The following CDC73 variants were observed in gnomAD, a reference collection of about 807,000 sequenced individuals.
CDC73 encodes the protein parafibromin.
CDC73 carries 21 observed loss-of-function variants against 83.7 expected under a neutral mutation model. The ratio of observed to expected loss-of-function variants is 0.25; its 90% CI spans 0.18 to 0.36. The LOEUF is 0.36. Among genes scored for constraint, CDC73 ranks in the 10% least tolerant of loss-of-function variants. The pLI, the probability that CDC73 is intolerant of heterozygous loss-of-function variation, is 1.00. For missense variants in CDC73, 342 were observed against 653.3 expected (o/e 0.52, Z 5.19); for synonymous variants, 224 against 212.9 (o/e 1.05, Z -0.45).
chr1:193,191,237 A>G (rs1335313049), intron 10 of CDC73, among the ~76,000 whole-genome samples: 8 of 152,184 alleles, frequency 5.3e-5, no homozygotes, highest in African/African-American at 1.9e-4. Context: ...TGTTCATGGC[A>G]TTTGAGTCAC....
intron 10 of CDC73, 141 bp from the exon 11 acceptor site, chr1:193,203,654 A>T (rs1677129009): frequency 2.8e-6 from 2 of 703,046 alleles, no homozygotes; most frequent in East Asian, 5.5e-5. Context: ...ACTGTAGGTC[A>T]TAACATGTTC....
chr1:193,250,442 C>G (rs1295078820), intron 16 of CDC73, among the ~76,000 whole-genome samples: 1 of 151,728 alleles, frequency 6.6e-6, no homozygotes, highest in African/African-American at 2.4e-5. Flanking sequence ...GCAAGTCTCT[C>G]ATATCTGTGA....
Position 193,236,310 on chromosome 1 carries a change from G to C in CDC73, c.1371G>C (p.Trp457Cys). The change falls in exon 15 of 17, where the codon TGG (tryptophan) becomes TGC (cysteine). Residue 457 changes from tryptophan (W) to cysteine (C), a missense_variant. Trp to Cys is a radical substitution (Grantham distance 215). Coordinates refer to ENST00000367435, the MANE Select transcript of CDC73 (RefSeq NM_024529.5). The part of the protein sequence containing the change: ...VQGPAWQFKG[W>C]PWLLPDGSPV... ...GTCCTGCATGGCAGTTCAAAGGTTG[G>C]CCATGGCTTTTGCCTGATGGATCAC... The C allele has an allele frequency of 1.2e-6, 2 of 1,613,936 alleles. No individual in the cohort carries two copies. Among genetic ancestry groups the C allele is most frequent in the Non-Finnish European group, 1.7e-6 (2 of 1,179,820 alleles).
chr1:193,240,571 A>G (rs1018274406), intron 15 of CDC73, among the ~76,000 whole-genome samples: 2 of 152,126 alleles, frequency 1.3e-5, no homozygotes, highest in Non-Finnish European at 2.9e-5. Flanking sequence ...ATGATATTTC[A>G]TCGTGGTTTT....
chr1:193,198,346 G>A (rs1031548529), intron 10 of CDC73, among the ~76,000 whole-genome samples: 7 of 152,186 alleles, frequency 4.6e-5, no homozygotes, highest in African/African-American at 1.7e-4. Flanking sequence ...TAAGTCATGA[G>A]GGCATGGTCT....
At chr1:193,246,852 A>G (rs1677962834) in intron 15 of CDC73, among the ~76,000 whole-genome samples, 1 of 152,120 alleles carries the variant, frequency 6.6e-6, no homozygotes, top group African/African-American at 2.4e-5. Flanking sequence ...TCTGTGCTGT[A>G]TATATCCCTT....
chr1:193,199,430 G>C (rs886983410), intron 10 of CDC73, among the ~76,000 whole-genome samples: 3 of 152,092 alleles, frequency 2.0e-5, no homozygotes, highest in Admixed American at 1.3e-4. Flanking sequence ...TAGAAGTTCA[G>C]GCCGGGCACG....
chr1:193,180,738 A>G, intron 10 of CDC73: 2 of 1,614,070 alleles, frequency 1.2e-6, no homozygotes, highest in Non-Finnish European at 1.7e-6. Context: ...TGAAATAGTT[A>G]TGTCTGGGAG....
At position 193,203,927 on chromosome 1, in the gene CDC73, T is replaced by C; in HGVS notation, c.1030+75T>C. On this transcript the variant is annotated intron_variant, in intron 11 of 16. Transcript: ENST00000367435. ...GTGCAAGTTTTTAGTATGCGTATAATGCTTTGAACAAACTTAAATTTTACT... is the reference window on the plus strand; with the variant it reads ...GTGCAAGTTTTTAGTATGCGTATAACGCTTTGAACAAACTTAAATTTTACT... 3.4e-6 allele frequency: 4 copies of C among 1,181,938 alleles called. No individual in the cohort carries two copies. In the Admixed American group the frequency reaches 6.8e-5, roughly 20 times the overall value. 73.2% of individuals were successfully genotyped at this position (1,181,938 alleles called of 1,614,324 possible).
chr1:193,204,275 G>GTGTGTC (rs1558310058), intron 11 of CDC73, among the ~76,000 whole-genome samples: 4 of 134,316 alleles, frequency 3.0e-5, no homozygotes, highest in Admixed American at 3.0e-4. Context: ...GTGTGTGTGT[G>GTGTGTC]TGTATATATA....
In CDC73 at chr1:193,150,500, C is replaced by T. The variant is rs1676086095; in HGVS notation, c.907+118C>T. 33 of 716,998 alleles carry T rather than the reference C, an allele frequency of 4.6e-5. No individual in the cohort carries two copies. In the South Asian group the frequency reaches 5.1e-4, roughly 11 times the overall value. 44.4% of individuals were successfully genotyped at this position (716,998 alleles called of 1,614,324 possible). ...GTAATGTCTACAGACCAGATCTTAC[C>T]CACTGCAATTTTTCTTAAATAACAT... On this transcript the variant is annotated intron_variant, in intron 9 of 16. Coordinates refer to ENST00000367435, the MANE Select transcript of CDC73 (RefSeq NM_024529.5).
intron 5 of CDC73, among the ~76,000 whole-genome samples, chr1:193,137,043 A>G (rs966644859): frequency 1.3e-5 from 2 of 152,200 alleles, no homozygotes; most frequent in African/African-American, 4.8e-5. Context: ...ATGGTTTTCA[A>G]CATTGGTTTT....
chr1:193,198,593 G>A (rs1168582422), intron 10 of CDC73, among the ~76,000 whole-genome samples: 1 of 152,194 alleles, frequency 6.6e-6, no homozygotes, highest in East Asian at 1.9e-4. Context: ...CCAGTGTGTG[G>A]TATTTTGGTA....
At chr1:193,144,715 G>A (rs1675965234) in intron 7 of CDC73, among the ~76,000 whole-genome samples, 1 of 152,018 alleles carries the variant, frequency 6.6e-6, no homozygotes, top group African/African-American at 2.4e-5. Flanking sequence ...AAACATGATG[G>A]TTATTCTCAT....
intron 10 of CDC73, among the ~76,000 whole-genome samples, chr1:193,177,133 G>A (rs1473305273): frequency 6.6e-6 from 1 of 151,930 alleles, no homozygotes; most frequent in Non-Finnish European, 1.5e-5. Flanking sequence ...CAGAGAATGG[G>A]AATATAAAGG....
At chr1:193,182,353 A>C (rs535908964) in intron 10 of CDC73, among the ~76,000 whole-genome samples, 1 of 152,292 alleles carries the variant, frequency 6.6e-6, no homozygotes, top group East Asian at 1.9e-4. Context: ...CTTTGTAAAT[A>C]TGAAGTATTC....
intron 10 of CDC73, among the ~76,000 whole-genome samples, chr1:193,200,101 CATG>C (rs1677067200): frequency 6.6e-6 from 1 of 151,396 alleles, no homozygotes; most frequent in African/African-American, 2.4e-5. Flanking sequence ...ACTAGCCTGG[CATG>C]GTGGTGCGTG....
intron 7 of CDC73, among the ~76,000 whole-genome samples, chr1:193,145,858 C>T (rs1411118937): frequency 1.3e-5 from 2 of 152,156 alleles, no homozygotes; most frequent in African/African-American, 4.8e-5. Context: ...ACAAACTAGG[C>T]AAGTGCTAAA....
chr1:193,173,756 A>G (rs1676558023), intron 10 of CDC73, among the ~76,000 whole-genome samples: 1 of 152,152 alleles, frequency 6.6e-6, no homozygotes, highest in African/African-American at 2.4e-5. Context: ...ATAAGATAAA[A>G]CCAATTGTAT....
Sources: gnomAD v4.1 joint callset for allele counts (sites outside exome capture counted in the v4.1 genomes callset) on GRCh38, gnomAD v4.1.1 for gene constraint, MANE v1.5 for transcripts, NCBI Gene and HGNC (gene_info 2026-07-23, HGNC 2026-07-21) for gene names.